CYP26A1: variants seen among roughly 807,000 people sequenced by gnomAD.
CYP26A1 encodes cytochrome P450 26A1.
In CYP26A1, 46 loss-of-function variants were observed where a neutral mutation model predicts 47.4. The observed-to-expected ratio is 0.97, with a 90% CI of 0.77 to 1.24. The LOEUF (loss-of-function observed/expected upper bound fraction) is 1.24, where lower values mean the gene tolerates loss of function less well. Ranked by LOEUF, CYP26A1 falls within the 50% of genes most tolerant of loss-of-function variation. The pLI is 0.00. For missense variants in CYP26A1, 680 were observed against 644.4 expected, an observed-to-expected ratio of 1.06 and a Z score of -0.60; for synonymous variants, 277 against 263.7, an observed-to-expected ratio of 1.05 and a Z score of -0.49.
In CYP26A1 at chr10:93,074,334, C is replaced by G. The variant is rs1238886531; in HGVS notation, c.216C>G (p.Arg72=). The change falls in exon 2 of 7, where the codon CGC becomes CGG. Residue 72 remains arginine, a synonymous_variant. Coordinates refer to ENST00000224356, the MANE Select transcript of CYP26A1 (RefSeq NM_000783.4). The surrounding 1 kb of genome is among the most constrained non-coding windows in gnomAD (Gnocchi z 5.3). ...GGAGGAAGTTCCTGCAGATGAAGCG[C>G]AGGAAATACGGCTTCATCTACAAGA... The part of the protein sequence containing the change: ...LQRRKFLQMK[R]RKYGFIYKTH... The G allele has an allele frequency of 1.9e-6, 3 of 1,608,836 alleles. No individual in the cohort carries two copies. The highest frequency in any genetic ancestry group is 2.6e-6 in the Non-Finnish European group (3 of 1,175,942).
Position 93,074,042 on chromosome 10 carries a change from C to A in CYP26A1, c.108C>A (p.Arg36=). The change falls in exon 1 of 7, where the codon CGC becomes CGA. Residue 36 remains arginine (R), a synonymous_variant. Transcript: ENST00000224356. This position sits in a 1 kb window ranked among gnomAD's most constrained non-coding sequence, Gnocchi z 5.3. ...GGGACCTGTACTGCGTGAGCGGCCG[C>A]GACCGCAGTTGTGCCCTCCCATTGC... The part of the protein sequence containing the change: ...KLWDLYCVSG[R]DRSCALPLPP... The A allele has an allele frequency of 6.2e-7, 1 of 1,608,282 alleles. No individual in the cohort carries two copies. Among genetic ancestry groups the A allele is most frequent in the Non-Finnish European group, 8.5e-7 (1 of 1,176,630 alleles).
chr10:93,077,334 T>C lies in CYP26A1; in HGVS notation c.*30T>C, dbSNP rs2134425557. 7.5e-7 allele frequency: 1 copy of C among 1,335,856 alleles called. No homozygotes were observed. Among genetic ancestry groups the C allele is most frequent in the South Asian group, 1.4e-5 (1 of 69,242 alleles). 82.8% of individuals were successfully genotyped at this position (1,335,856 alleles called of 1,614,324 possible). A position where few individuals can be genotyped will look rare whatever the true frequency, so the allele number is the denominator to read the frequency against. On this transcript the variant is annotated 3_prime_UTR_variant, in exon 7 of 7. Coordinates refer to ENST00000224356, the MANE Select transcript of CYP26A1 (RefSeq NM_000783.4). Reference sequence around the variant, plus strand: ...CTTGAATGTTCAAACCTGAGACTTATTGGAAGTGTACATATGAGTTTTTAA... The same window carrying C: ...CTTGAATGTTCAAACCTGAGACTTACTGGAAGTGTACATATGAGTTTTTAA...
In CYP26A1 at chr10:93,074,608, G is replaced by C; in HGVS notation, c.414+76G>C. ...CGGAATTCCGGCTGATGGATGCTAG[G>C]CGCGGGCTAGCAGCTTGAGGTGGGC... is the stretch of plus-strand genomic sequence containing the variant. On this transcript the variant is annotated intron_variant, in intron 2 of 6. Coordinates refer to ENST00000224356, the MANE Select transcript of CYP26A1 (RefSeq NM_000783.4). This position sits in a 1 kb window ranked among gnomAD's most constrained non-coding sequence, Gnocchi z 5.3. 1 of 1,127,084 alleles carries C rather than the reference G, an allele frequency of 8.9e-7. No homozygotes were observed. Among genetic ancestry groups the C allele is most frequent in the Non-Finnish European group, 1.3e-6 (1 of 744,362 alleles). 69.8% of individuals were successfully genotyped at this position (1,127,084 alleles called of 1,614,324 possible). A position where few individuals can be genotyped will look rare whatever the true frequency, so the allele number is the denominator to read the frequency against.
At position 93,077,432 on chromosome 10, in the gene CYP26A1, C is replaced by T; in HGVS notation, c.*128C>T. Reference sequence around the variant, plus strand: ...TATTTATGTGTTTTGACTATACTACCACAATCTTTAAATATTAAAATAATG... The same window carrying T: ...TATTTATGTGTTTTGACTATACTACTACAATCTTTAAATATTAAAATAATG... On this transcript the variant is annotated 3_prime_UTR_variant, in exon 7 of 7. Transcript: ENST00000224356. 1 of 417,154 alleles carries T rather than the reference C, an allele frequency of 2.4e-6. No homozygotes were observed. The allele number at this position is 417,154 out of a possible 1,614,324, so 25.8% of individuals were successfully genotyped here.
chr10:93,073,790 C>A, upstream of CYP26A1: 1 of 570,642 alleles, frequency 1.8e-6, no homozygotes, highest in Non-Finnish European at 3.1e-6. Flanking sequence ...GGGGCCCAAT[C>A]CGCAATTAAA....
In CYP26A1 at chr10:93,074,547, C is replaced by T. The variant is rs1846943730; in HGVS notation, c.414+15C>T. 4.0e-6 allele frequency: 6 copies of T among 1,504,058 alleles called. No individual in the cohort carries two copies. The highest frequency in any genetic ancestry group is 5.6e-6 in the Non-Finnish European group (6 of 1,080,492). The allele number at this position is 1,504,058 out of a possible 1,614,324, so 93.2% of individuals were successfully genotyped here. ...AGCGCAAGAAGGTGGGGGCAGGAGG[C>T]GACGGCTGGACAGGGAGGGGGACCC... is the stretch of plus-strand genomic sequence containing the variant. On this transcript the variant is annotated intron_variant, in intron 2 of 6. Transcript: ENST00000224356. The surrounding 1 kb of genome is among the most constrained non-coding windows in gnomAD (Gnocchi z 5.3).
Position 93,077,166 on chromosome 10 carries a change from C to A in CYP26A1, c.1356C>A (p.Leu452=). Residue 452 remains leucine, a synonymous_variant, in exon 7 of 7, where the codon CTC becomes CTA. Coordinates refer to ENST00000224356, the MANE Select transcript of CYP26A1 (RefSeq NM_000783.4). Reference sequence around the variant, plus strand: ...GCAAAGAATTTGCAAAAATTCTTCTCAAAATATTTACAGTGGAGCTGGCCA... The same window carrying A: ...GCAAAGAATTTGCAAAAATTCTTCTAAAAATATTTACAGTGGAGCTGGCCA... ...CVGKEFAKIL[L]KIFTVELARH... is the part of the protein sequence containing the mutation. 7.4e-6 allele frequency: 12 copies of A among 1,613,908 alleles called. No individual in the cohort carries two copies. The highest frequency in any genetic ancestry group is 1.0e-5 in the Non-Finnish European group (12 of 1,179,866).
chr10:93,075,189 A>G lies in CYP26A1; in HGVS notation c.746A>G (p.Gln249Arg), dbSNP rs367762887. 7.2e-5 allele frequency: 117 copies of G among 1,613,866 alleles called. 2 individuals carry two copies. The East Asian group carries it at 1.5e-3, about 21-fold the overall frequency. The change falls in exon 4 of 7, where the codon CAG becomes CGG. Residue 249 changes from glutamine to arginine, a missense_variant. Physicochemically the swap from Gln to Arg is conservative, Grantham distance 43 (BLOSUM62 1). Coordinates refer to ENST00000224356, the MANE Select transcript of CYP26A1 (RefSeq NM_000783.4). Reference sequence around the variant, plus strand: ...AACCTCATTCACGCGCGCATCGAGCAGAACATTCGCGCCAAGATCTGCGGG... The same window carrying G: ...AACCTCATTCACGCGCGCATCGAGCGGAACATTCGCGCCAAGATCTGCGGG... ...ARNLIHARIE[Q>R]NIRAKICGLR...
chr10:93,077,229 A>G lies in CYP26A1; in HGVS notation c.1419A>G (p.Thr473=). ...GGCAGCTTCTAAATGGACCTCCTAC[A>G]ATGAAAACCAGTCCCACCGTGTATC... ...CDWQLLNGPP[T]MKTSPTVYPV... The change falls in exon 7 of 7, where the codon ACA becomes ACG. Residue 473 remains threonine, a synonymous_variant. Transcript: ENST00000224356. 6.2e-7 allele frequency: 1 copy of G among 1,605,882 alleles called. No individual in the cohort carries two copies. Among genetic ancestry groups the G allele is most frequent in the East Asian group, 2.2e-5 (1 of 44,722 alleles).
intron 3 of CYP26A1, 23 bp from the exon 4 acceptor site, chr10:93,075,126 C>T (rs780402885): frequency 3.1e-6 from 5 of 1,611,170 alleles, no homozygotes; most frequent in East Asian, 4.5e-5. Context: ...GTCTGCTCAC[C>T]GCCGCGCGCT....
intron 5 of CYP26A1, 153 bp from the exon 6 acceptor site, chr10:93,076,391 G>C: frequency 3.3e-6 from 2 of 609,166 alleles, no homozygotes; most frequent in Admixed American, 5.9e-5. Flanking sequence ...ATTTGGGCAG[G>C]CAAATGGCCA....
Position 93,074,537 on chromosome 10 carries a change from G to A in CYP26A1, c.414+5G>A, listed in dbSNP as rs189356320. The A allele has an allele frequency of 4.5e-5, 70 of 1,561,668 alleles. No homozygotes were observed. The East Asian group carries it at 1.5e-3, about 33-fold the overall frequency. ...TCGCACAAGCAGCGCAAGAAGGTGG[G>A]GGCAGGAGGCGACGGCTGGACAGGG... On this transcript the variant is annotated splice_donor_5th_base_variant and intron_variant, in intron 2 of 6. Transcript: ENST00000224356. The surrounding 1 kb of genome is among the most constrained non-coding windows in gnomAD (Gnocchi z 5.3).
In CYP26A1 at chr10:93,074,019, G is replaced by C. The variant is rs769825946; in HGVS notation, c.85G>C (p.Asp29His). 2 of 1,603,768 alleles carry C rather than the reference G, an allele frequency of 1.2e-6. No individual in the cohort carries two copies. Among genetic ancestry groups the C allele is most frequent in the Non-Finnish European group, 1.7e-6 (2 of 1,171,678 alleles). Residue 29 changes from aspartate to histidine, a missense_variant, in exon 1 of 7, where the codon GAC becomes CAC. Physicochemically the swap from Asp to His is moderately conservative, Grantham distance 81. Coordinates refer to ENST00000224356, the MANE Select transcript of CYP26A1 (RefSeq NM_000783.4). This position sits in a 1 kb window ranked among gnomAD's most constrained non-coding sequence, Gnocchi z 5.3. ...LLFLAAIKLW[D>H]LYCVSGRDRS... Reference sequence around the variant, plus strand: ...CTTCCTGGCTGCGATCAAGCTCTGGGACCTGTACTGCGTGAGCGGCCGCGA... The same window carrying C: ...CTTCCTGGCTGCGATCAAGCTCTGGCACCTGTACTGCGTGAGCGGCCGCGA...
chr10:93,075,218 C>A lies in CYP26A1; in HGVS notation c.775C>A (p.Arg259=), dbSNP rs775585442. The change falls in exon 4 of 7, where the codon CGG becomes AGG. Residue 259 remains arginine, a synonymous_variant. Coordinates refer to ENST00000224356, the MANE Select transcript of CYP26A1 (RefSeq NM_000783.4). ...CATTCGCGCCAAGATCTGCGGGCTG[C>A]GGGCATCCGAGGCGGGCCAGGGCTG... The part of the protein sequence containing the change: ...QNIRAKICGL[R]ASEAGQGCKD... The A allele has an allele frequency of 1.9e-6, 3 of 1,613,952 alleles. No homozygotes were observed. The highest frequency in any genetic ancestry group is 2.5e-6 in the Non-Finnish European group (3 of 1,179,938).
At position 93,076,650 on chromosome 10, in the gene CYP26A1, C is replaced by T. The variant is rs1409917601; in HGVS notation, c.1106C>T (p.Pro369Leu). ...VIKETLRLNP[P>L]VPGGFRVALK... is the part of the protein sequence containing the mutation. Reference sequence around the variant, plus strand: ...AAGGAGACCCTTCGACTGAATCCCCCAGTTCCAGGAGGGTTTCGGGTTGCT... The same window carrying T: ...AAGGAGACCCTTCGACTGAATCCCCTAGTTCCAGGAGGGTTTCGGGTTGCT... Residue 369 changes from proline to leucine, a missense_variant, in exon 6 of 7, where the codon CCA (proline) becomes CTA (leucine). Transcript: ENST00000224356. 6.2e-7 allele frequency: 1 copy of T among 1,611,262 alleles called. No homozygotes were observed. The highest frequency in any genetic ancestry group is 8.5e-7 in the Non-Finnish European group (1 of 1,177,476).
rs574906601 is a variant in CYP26A1, at chr10:93,077,413, T to G, written c.*109T>G. 1.1e-5 allele frequency: 5 copies of G among 473,186 alleles called. No homozygotes were observed. The Admixed American group carries it at 1.2e-4, about 11-fold the overall frequency. 29.3% of individuals were successfully genotyped at this position (473,186 alleles called of 1,614,324 possible). A position where few individuals can be genotyped will look rare whatever the true frequency, so the allele number is the denominator to read the frequency against. On this transcript the variant is annotated 3_prime_UTR_variant, in exon 7 of 7. Coordinates refer to ENST00000224356, the MANE Select transcript of CYP26A1 (RefSeq NM_000783.4). ...TTCTAAATGTATATTATAATATTTATGTGTTTTGACTATACTACCACAATC... is the reference window on the plus strand; with the variant it reads ...TTCTAAATGTATATTATAATATTTAGGTGTTTTGACTATACTACCACAATC...
intron 4 of CYP26A1, 82 bp downstream of exon 4, chr10:93,075,389 G>A (rs1846965643): frequency 7.4e-7 from 1 of 1,349,238 alleles, no homozygotes; most frequent in Non-Finnish European, 1.0e-6. Context: ...CCCAAAGCGC[G>A]CGCCTGGGGC....
chr10:93,073,892 C>T (rs1316843635), upstream of CYP26A1: 3 of 711,830 alleles, frequency 4.2e-6, no homozygotes, highest in Non-Finnish European at 7.5e-6. Context: ...GGGTTTGAAG[C>T]GCTGGCGGCG....
chr10:93,076,462 A>T lies in CYP26A1; in HGVS notation c.1000-82A>T. 7.5e-6 allele frequency: 7 copies of T among 933,378 alleles called. No homozygotes were observed. The South Asian group carries it at 1.2e-4, about 16-fold the overall frequency. The allele number at this position is 933,378 out of a possible 1,614,324, so 57.8% of individuals were successfully genotyped here. ...ATGGGGCCCTTTGGGTTTAGTCTCC[A>T]CTTAAGCCCTGTTTACGTCTGCTGG... On this transcript the variant is annotated intron_variant, in intron 5 of 6. Transcript: ENST00000224356.
Sources: allele counts gnomAD v4.1 joint callset, GRCh38; gene constraint gnomAD v4.1.1; non-coding constraint Gnocchi (gnomAD v3.1); transcripts MANE v1.5; gene names NCBI Gene and HGNC (gene_info 2026-07-23, HGNC 2026-07-21).